TET3: variants seen among roughly 807,000 people sequenced by gnomAD.
The protein encoded by TET3 is tet methylcytosine dioxygenase 3, also known as methylcytosine dioxygenase TET3.
TET3 carries 19 observed loss-of-function variants against 141.4 expected under a neutral mutation model. The ratio of observed to expected loss-of-function variants is 0.13; its 90% CI spans 0.09 to 0.20. The LOEUF is 0.20. Ranked by LOEUF, TET3 falls within the 10% of genes least tolerant of loss-of-function variation. The pLI, the probability that TET3 is intolerant of heterozygous loss-of-function variation, is 1.00. For synonymous variants in TET3, 1,043 were observed against 980.9 expected (o/e 1.06, Z -1.18); for missense variants, 1,874 against 2,356.9 (o/e 0.80, Z 4.24).
At chr2:74,020,868 G>T (rs1470820747) in intron 3 of TET3, among the ~76,000 whole-genome samples, 1 of 152,202 alleles carries the variant, frequency 6.6e-6, no homozygotes, top group Non-Finnish European at 1.5e-5. Flanking sequence ...GTGTCCCGGG[G>T]TTTCCCTGGG....
At chr2:74,097,191 ACATG>A (rs1172823949) in intron 10 of TET3, among the ~76,000 whole-genome samples, 2 of 136,526 alleles carry the variant, frequency 1.5e-5, no homozygotes, top group African/African-American at 5.9e-5. Context: ...ATATAGCCAT[ACATG>A]CACACACACA....
chr2:74,062,026 G>T (rs919348231), intron 4 of TET3, among the ~76,000 whole-genome samples: 2 of 152,132 alleles, frequency 1.3e-5, no homozygotes, highest in Non-Finnish European at 2.9e-5. Context: ...GGTGGCGGCC[G>T]GGCAGAGGCT....
chr2:74,063,265 G>T (rs1486853972), intron 4 of TET3, among the ~76,000 whole-genome samples: 2 of 151,852 alleles, frequency 1.3e-5, no homozygotes, highest in Non-Finnish European at 2.9e-5. Flanking sequence ...CCCACCGTTG[G>T]TGAAGCCCAG....
chr2:74,133,495 C>T, the TET3 span, among the ~76,000 whole-genome samples: 1 of 152,228 alleles, frequency 6.6e-6, no homozygotes. Context: ...CAAGGTGGCT[C>T]ACCCACATGG....
intron 2 of TET3, chr2:73,993,527 G>C (rs1311193988): frequency 2.0e-5 from 3 of 152,312 alleles, no homozygotes; most frequent in Non-Finnish European, 4.4e-5. Flanking sequence ...GAGGGCGGGG[G>C]CAGTGACAAA....
At chr2:74,043,554 G>A (rs934770277) in intron 3 of TET3, among the ~76,000 whole-genome samples, 15 of 152,200 alleles carry the variant, frequency 9.9e-5, no homozygotes, top group Non-Finnish European at 2.1e-4. Context: ...TATGTAGTAG[G>A]TAGGGGAAGA....
chr2:74,124,719 G>A, the TET3 span, among the ~76,000 whole-genome samples: 2 of 152,056 alleles, frequency 1.3e-5, no homozygotes, highest in South Asian at 2.1e-4. Context: ...ATAGATGCTT[G>A]AAGGCAGCAT....
At chr2:73,989,441 G>A (rs1379593628) in intron 2 of TET3, among the ~76,000 whole-genome samples, 2 of 152,084 alleles carry the variant, frequency 1.3e-5, no homozygotes, top group African/African-American at 2.4e-5. Context: ...CCTTTGAATT[G>A]TCTGCTTGCA....
chr2:74,047,569 C>T lies in TET3; in HGVS notation c.1652C>T (p.Pro551Leu). 2 of 1,613,944 alleles carry T rather than the reference C, an allele frequency of 1.2e-6. No individual in the cohort carries two copies. ...GTGCACGACACCTCCTTCCCTGCTC[C>T]TTCAGAGCCTTCTGCTCCTGGCTGG... Reference protein sequence around the residue: ...EQVHDTSFPAPSEPSAPGWWP... With the variant: ...EQVHDTSFPALSEPSAPGWWP... Residue 551 changes from proline (P) to leucine (L), a missense_variant, in exon 4 of 12, where the codon CCT becomes CTT. Coordinates refer to ENST00000409262, the MANE Select transcript of TET3 (RefSeq NM_001287491.2).
Position 74,090,055 on chromosome 2 carries a change from G to T in TET3, c.3039+8G>T, listed in dbSNP as rs772786800. The T allele has an allele frequency of 4.3e-6, 7 of 1,613,464 alleles. No homozygotes were observed. The highest frequency in any genetic ancestry group is 3.3e-5 in the Admixed American group (2 of 59,992). ...GGGGACAATCCCAAAGAGGTGAGCA[G>T]AGCTGGGCGGGGACCCTGCCTCCCA... On this transcript the variant is annotated splice_region_variant and intron_variant, in intron 8 of 11. Coordinates refer to ENST00000409262, the MANE Select transcript of TET3 (RefSeq NM_001287491.2).
intron 3 of TET3, among the ~76,000 whole-genome samples, chr2:74,006,739 A>C (rs543733185): frequency 1.3e-5 from 2 of 152,254 alleles, no homozygotes; most frequent in African/African-American, 4.8e-5. Context: ...TGGGTCTCAC[A>C]ATCCTCTTAA....
At chr2:74,042,177 T>C (rs1418710470) in intron 3 of TET3, among the ~76,000 whole-genome samples, 1 of 152,226 alleles carries the variant, frequency 6.6e-6, no homozygotes, top group Non-Finnish European at 1.5e-5. Flanking sequence ...TAGTTCTCTG[T>C]AGCTGGCCTC....
At chr2:74,124,851 A>G in the TET3 span, among the ~76,000 whole-genome samples, 23 of 150,898 alleles carry the variant, frequency 1.5e-4, no homozygotes, top group East Asian at 5.8e-4. Flanking sequence ...TTATCTGCTG[A>G]CCTTCCCTCC....
At chr2:74,134,128 ATT>A in the TET3 span, among the ~76,000 whole-genome samples, 8 of 152,146 alleles carry the variant, frequency 5.3e-5, no homozygotes, top group Non-Finnish European at 1.5e-5. Context: ...AGTGTGTCTA[ATT>A]TTGAGGTCTC....
intron 4 of TET3, among the ~76,000 whole-genome samples, chr2:74,059,620 A>G (rs2103808853): frequency 6.6e-6 from 1 of 152,078 alleles, no homozygotes; most frequent in African/African-American, 2.4e-5. Context: ...TGATGTGATC[A>G]TAGCTCACTG....
intron 3 of TET3, among the ~76,000 whole-genome samples, chr2:74,030,121 T>C (rs1361695344): frequency 6.6e-6 from 1 of 152,242 alleles, no homozygotes; most frequent in East Asian, 1.9e-4. Context: ...AATGTATATT[T>C]GTTTGAGAGA....
chr2:74,073,455 C>T (rs930387105), intron 4 of TET3, 94 bp from the exon 5 acceptor site: 12 of 847,268 alleles, frequency 1.4e-5, no homozygotes, highest in Non-Finnish European at 2.2e-5. Flanking sequence ...TGTTTTCTAG[C>T]ATGCCTATTA....
At chr2:74,010,297 G>GT (rs925149074) in intron 3 of TET3, among the ~76,000 whole-genome samples, 1 of 152,350 alleles carries the variant, frequency 6.6e-6, no homozygotes, top group African/African-American at 2.4e-5. Context: ...CCGCCTCCAT[G>GT]TGGGGGGTGT....
At chr2:74,085,427 A>G (rs555835462) in intron 6 of TET3, among the ~76,000 whole-genome samples, 66 of 152,336 alleles carry the variant, frequency 4.3e-4, no homozygotes, top group Non-Finnish European at 8.8e-4. Flanking sequence ...AGGGTCTCCC[A>G]GCACGATCCA....
Sources: gnomAD v4.1 joint callset for allele counts (sites outside exome capture counted in the v4.1 genomes callset) on GRCh38, gnomAD v4.1.1 for gene constraint, MANE v1.5 for transcripts, NCBI Gene and HGNC (gene_info 2026-07-23, HGNC 2026-07-21) for gene names.